CCDC57: variants seen among roughly 807,000 people sequenced by gnomAD.
CCDC57 encodes coiled-coil domain-containing protein 57.
CCDC57 carries 118 observed loss-of-function variants against 118.9 expected under a neutral mutation model. That is an observed-to-expected ratio of 0.99 (90% CI 0.86 to 1.16). CCDC57 has a LOEUF of 1.16. CCDC57 is among the 50% of genes most tolerant of loss of function. The pLI is 0.00. For missense variants in CCDC57, 1,300 were observed against 1,320.7 expected (o/e 0.98, Z 0.24); for synonymous variants, 527 against 532.9 (o/e 0.99, Z 0.15).
rs1357138382 is a variant in CCDC57 at position 82,169,069 on chromosome 17, CAAG to C, written c.1882+2629_1882+2631del. On this transcript the variant is annotated intron_variant, in intron 13 of 19. Transcript: ENST00000665763. ...GAGAGTTTAGCTAGGGGCGATAATGCAAGAAGAAGTAAACAATATCAGCATTGG... is the reference window on the plus strand; with the variant it reads ...GAGAGTTTAGCTAGGGGCGATAATGCAAGAAGTAAACAATATCAGCATTGG... 5.3e-5 allele frequency among the ~76,000 whole-genome samples: 8 copies of C among 152,232 alleles called. No individual in the cohort carries two copies. The South Asian group carries it at 1.2e-3, about 24-fold the overall frequency.
chr17:82,165,909 A>C (rs2043936086), intron 13 of CCDC57, among the ~76,000 whole-genome samples: 2 of 152,204 alleles, frequency 1.3e-5, no homozygotes, highest in South Asian at 2.1e-4. Flanking sequence ...GAACCCAGAA[A>C]GGCTGACTAC....
At chr17:82,176,178 G>A (rs1339084217) in intron 11 of CCDC57, among the ~76,000 whole-genome samples, 2 of 151,994 alleles carry the variant, frequency 1.3e-5, no homozygotes, top group African/African-American at 4.8e-5. Context: ...TAAGCCCAGG[G>A]CATAAAACCC....
exon 16 of CCDC57, chr17:82,151,583 C>G: frequency 1.3e-6 from 2 of 1,550,358 alleles, no homozygotes; most frequent in Non-Finnish European, 1.7e-6. Context: ...CAGCTCTGCA[C>G]GGAGCCTGTT....
At chr17:82,127,218 G>T (rs774595218) in intron 19 of CCDC57, 15 of 985,336 alleles carry the variant, frequency 1.5e-5, no homozygotes, top group Non-Finnish European at 1.8e-5. Flanking sequence ...GCTGACACTT[G>T]TCTGGCCCGT....
intron 14 of CCDC57, 40 bp downstream of exon 13, chr17:82,163,160 G>A (rs1364749186): frequency 6.3e-7 from 1 of 1,599,276 alleles, no homozygotes; most frequent in Non-Finnish European, 8.6e-7. Context: ...CCCAGCAGCG[G>A]CTCTCTAGGA....
intron 16 of CCDC57, among the ~76,000 whole-genome samples, chr17:82,137,119 G>A (rs1387855224): frequency 6.7e-6 from 1 of 148,748 alleles, no homozygotes; most frequent in Non-Finnish European, 1.5e-5. Flanking sequence ...CCAGGTTCAA[G>A]CAATTCTCCC....
At chr17:82,130,740 T>C (rs1426334066) in intron 17 of CCDC57, among the ~76,000 whole-genome samples, 1 of 151,056 alleles carries the variant, frequency 6.6e-6, no homozygotes, top group African/African-American at 2.4e-5. Context: ...TGACCTCAGA[T>C]GATCTGCCCG....
At chr17:82,167,146 A>C (rs935392359) in intron 13 of CCDC57, among the ~76,000 whole-genome samples, 1 of 152,180 alleles carries the variant, frequency 6.6e-6, no homozygotes, top group South Asian at 2.1e-4. Context: ...CCAGCAGGAC[A>C]ATAACAAAAG....
Position 82,195,313 on chromosome 17 carries a change from G to A in CCDC57, c.568C>T (p.Arg190Cys), listed in dbSNP as rs559421961. ...TTGCTCATGTTGTCAGCCTGCAGAC[G>A]GAATTCGTGCTCCCTCTTCCGCATT... Residue 190 changes from arginine (R) to cysteine (C), a missense_variant, in exon 5 of 20, where the codon CGT (arginine) becomes TGT (cysteine). By Grantham distance (180) the Arg-to-Cys change is radical (BLOSUM62 -3). Coordinates refer to ENST00000665763, the Ensembl canonical transcript of CCDC57. 3.4e-5 allele frequency: 54 copies of A among 1,602,596 alleles called. No homozygotes were observed. The South Asian group carries it at 5.1e-4, about 15-fold the overall frequency.
chr17:82,169,335 G>A (rs1458349322), intron 13 of CCDC57, among the ~76,000 whole-genome samples: 3 of 152,174 alleles, frequency 2.0e-5, no homozygotes, highest in Non-Finnish European at 4.4e-5. Context: ...CACCATGTTG[G>A]CCAGGCTGGT....
In CCDC57 at chr17:82,183,536, T is replaced by C. The variant is rs569694721; in HGVS notation, c.1211+238A>G. ...GCAGGAGCACCTTTATGGCTCTTAT[T>C]ACAGACTGAGAAACACCATCCTCTG... On this transcript the variant is annotated intron_variant, in intron 9 of 19. Transcript: ENST00000665763. Among the ~76,000 whole-genome samples, 5 of 152,238 alleles carry C rather than the reference T, an allele frequency of 3.3e-5. No individual in the cohort carries two copies. The East Asian group carries it at 9.6e-4, about 29-fold the overall frequency.
chr17:82,159,060 T>A (rs1329210234), intron 14 of CCDC57, among the ~76,000 whole-genome samples: 2 of 152,140 alleles, frequency 1.3e-5, no homozygotes, highest in Non-Finnish European at 2.9e-5. Flanking sequence ...ACAGATGGGG[T>A]CTTGCTGTGT....
intron 5 of CCDC57, chr17:82,194,398 C>A (rs996077256): frequency 1.2e-5 from 4 of 342,408 alleles, no homozygotes; most frequent in Non-Finnish European, 2.1e-5. Flanking sequence ...GCAACCTCCC[C>A]CTCCTGGGTT....
At chr17:82,112,030 G>C (rs2035296875) in intron 19 of CCDC57, 1 of 152,246 alleles carries the variant, frequency 6.6e-6, no homozygotes, top group Non-Finnish European at 1.5e-5. Flanking sequence ...CTAGAGTGCA[G>C]TGGCGCGATC....
intron 16 of CCDC57, among the ~76,000 whole-genome samples, chr17:82,139,689 C>CCAGAAAGCT (rs11282734): frequency 0.47 from 70,585 of 151,510 alleles, 17,194 homozygotes; most frequent in East Asian, 0.88. Flanking sequence ...CTGATGCTCC[C>CCAGAAAGCT]CAGAAAGCTC....
chr17:82,144,506 C>G (rs559530987), intron 16 of CCDC57, among the ~76,000 whole-genome samples: 8 of 152,264 alleles, frequency 5.3e-5, no homozygotes, highest in African/African-American at 1.7e-4. Flanking sequence ...AAAGATGGGG[C>G]TGCCTTGTAC....
At chr17:82,178,680 A>C in intron 10 of CCDC57, 75 bp from the exon 10 acceptor site, 1 of 1,561,348 alleles carries the variant, frequency 6.4e-7, no homozygotes. Flanking sequence ...CTCCAATGGC[A>C]CACATAGGTG....
intron 1 of CCDC57, among the ~76,000 whole-genome samples, chr17:82,209,788 G>T (rs1290349858): frequency 1.3e-5 from 2 of 152,140 alleles, no homozygotes; most frequent in Non-Finnish European, 2.9e-5. Flanking sequence ...TACCCAGCCA[G>T]TTTTTAATAT....
chr17:82,198,587 G>T (rs1336183439), intron 3 of CCDC57, among the ~76,000 whole-genome samples, 165 bp from the exon 3 acceptor site: 1 of 151,906 alleles, frequency 6.6e-6, no homozygotes, highest in Non-Finnish European at 1.5e-5. Context: ...ACCTGGACCA[G>T]CATGCTACAC....
Sources: gnomAD v4.1 joint callset for allele counts (sites outside exome capture counted in the v4.1 genomes callset) on GRCh38, gnomAD v4.1.1 for gene constraint, MANE v1.5 for transcripts, NCBI Gene and HGNC (gene_info 2026-07-23, HGNC 2026-07-21) for gene names.